The following ZC3H3 variants were observed in gnomAD, a reference collection of about 807,000 sequenced individuals.
ZC3H3 encodes zinc finger CCCH-type containing 3.
In ZC3H3, 36 loss-of-function variants were observed where a neutral mutation model predicts 77.3. That is an observed-to-expected ratio of 0.47 (90% confidence interval 0.36 to 0.61). The LOEUF (loss-of-function observed/expected upper bound fraction) is 0.61, where lower values mean the gene tolerates loss of function less well. Among genes scored for constraint, ZC3H3 ranks in the 20% least tolerant of loss-of-function variants. The pLI, the probability that ZC3H3 is intolerant of heterozygous loss-of-function variation, is 0.00. For missense variants in ZC3H3, 1,331 were observed against 1,312.2 expected (o/e 1.01, Z -0.22); for synonymous variants, 626 against 555.2 (o/e 1.13, Z -1.79).
chr8:143,498,168 C>T (rs1382583117), intron 4 of ZC3H3, among the ~76,000 whole-genome samples: 3 of 152,294 alleles, frequency 2.0e-5, no homozygotes, highest in East Asian at 3.9e-4. Context: ...CCTGGGGGAC[C>T]CTGGAAAGAA....
At position 143,462,395 on chromosome 8, in the gene ZC3H3, G is replaced by A. The variant is rs1820289260; in HGVS notation, c.2307+3322C>T. Among the ~76,000 whole-genome samples, 1 of 152,208 alleles carries A rather than the reference G, an allele frequency of 6.6e-6. No homozygotes were observed. The highest frequency in any genetic ancestry group is 2.4e-5 in the African/African-American group (1 of 41,464). The stretch of plus-strand genomic sequence containing the variant: ...GAGCACAAATCACAGGGCAAAGGAT[G>A]TCAGGACCTTGCCTCATAAAGGACG... On this transcript the variant is annotated intron_variant, in intron 9 of 11. Transcript: ENST00000262577. The surrounding 1 kb of genome is among the most constrained non-coding windows in gnomAD (Gnocchi z 4.7).
At chr8:143,452,212 A>C (rs1820005348) in intron 9 of ZC3H3, among the ~76,000 whole-genome samples, 1 of 152,224 alleles carries the variant, frequency 6.6e-6, no homozygotes, top group Admixed American at 6.5e-5. Flanking sequence ...CGGGGTGGTG[A>C]AAAGCCAGGA....
intron 9 of ZC3H3, among the ~76,000 whole-genome samples, chr8:143,444,673 A>G (rs916129730): frequency 3.9e-5 from 6 of 152,238 alleles, no homozygotes; most frequent in African/African-American, 1.4e-4. Context: ...CAGTTTTTTA[A>G]AAAGAAACAT....
chr8:143,437,893 G>C lies in ZC3H3; in HGVS notation c.*163C>G. On this transcript the variant is annotated 3_prime_UTR_variant, in exon 12 of 12. Coordinates refer to ENST00000262577, the MANE Select transcript of ZC3H3 (RefSeq NM_015117.3). Reference sequence around the variant, plus strand: ...GAAGACCAGGCCCTGCGCACACGCTGGTCATGGAAGGTTGAGGGCCAGGCA... The same window carrying C: ...GAAGACCAGGCCCTGCGCACACGCTCGTCATGGAAGGTTGAGGGCCAGGCA... The C allele has an allele frequency of 1.0e-6, 1 of 964,440 alleles. No homozygotes were observed. Among genetic ancestry groups the C allele is most frequent in the Non-Finnish European group, 1.6e-6 (1 of 632,420 alleles). The allele number at this position is 964,440 out of a possible 1,614,324, so 59.7% of individuals were successfully genotyped here.
intron 9 of ZC3H3, among the ~76,000 whole-genome samples, chr8:143,458,208 C>G (rs924071698): frequency 4.6e-5 from 7 of 152,216 alleles, no homozygotes; most frequent in Admixed American, 2.6e-4. Flanking sequence ...AACAATTATA[C>G]ACACATAAAA....
At chr8:143,517,061 C>T (rs963940263) in intron 3 of ZC3H3, among the ~76,000 whole-genome samples, 1 of 152,178 alleles carries the variant, frequency 6.6e-6, no homozygotes, top group Non-Finnish European at 1.5e-5. Flanking sequence ...AAGCCGCTGC[C>T]GCGGACTGTC....
chr8:143,473,046 C>T lies in ZC3H3; in HGVS notation c.1903+2352G>A, dbSNP rs1003434545. On this transcript the variant is annotated intron_variant, in intron 5 of 11. Coordinates refer to ENST00000262577, the MANE Select transcript of ZC3H3 (RefSeq NM_015117.3). ...AGCAGCCTCTGCTGCCTATCCTGGC[C>T]GCCTGGGGCTCTCGCGTACGTCAGG... 1.2e-4 allele frequency among the ~76,000 whole-genome samples: 19 copies of T among 152,206 alleles called. No homozygotes were observed. The East Asian group carries it at 1.5e-3, about 12-fold the overall frequency.
At chr8:143,528,369 G>A (rs1029302451) in intron 3 of ZC3H3, among the ~76,000 whole-genome samples, 5 of 152,218 alleles carry the variant, frequency 3.3e-5, no homozygotes, top group African/African-American at 1.2e-4. Flanking sequence ...GCCAGGCAGC[G>A]ACAGACACCC....
chr8:143,441,121 C>G lies in ZC3H3; in HGVS notation c.2308-1G>C. The G allele has an allele frequency of 7.0e-7, 1 of 1,425,664 alleles. No individual in the cohort carries two copies. The highest frequency in any genetic ancestry group is 9.1e-7 in the Non-Finnish European group (1 of 1,099,320). 88.3% of individuals were successfully genotyped at this position (1,425,664 alleles called of 1,614,324 possible). A position where few individuals can be genotyped will look rare whatever the true frequency, so the allele number is the denominator to read the frequency against. ...ACAGCAGCGTGTGTTTCTTCTTGCA[C>G]TGCAGAGAGAAGGGGTGCAGGTGGG... On this transcript the variant is annotated splice_acceptor_variant, in intron 9 of 11. Coordinates refer to ENST00000262577, the MANE Select transcript of ZC3H3 (RefSeq NM_015117.3). LOFTEE classifies it high-confidence loss of function.
Position 143,538,668 on chromosome 8 carries a change from G to A in ZC3H3, c.699C>T (p.Ser233=), listed in dbSNP as rs374800354. ...VIAVKASFPS[S]ALPPRTGVAL... ...CCACGCCAGTGCGTGGGGGCAGAGC[G>A]GAGGATGGGAAGCTCGCCTTGACGG... Residue 233 remains serine (S), a synonymous_variant, in exon 2 of 12, where the codon TCC becomes TCT. Coordinates refer to ENST00000262577, the MANE Select transcript of ZC3H3 (RefSeq NM_015117.3). 1.7e-5 allele frequency: 28 copies of A among 1,608,178 alleles called. No individual in the cohort carries two copies. The highest frequency in any genetic ancestry group is 5.3e-5 in the African/African-American group (4 of 74,956).
chr8:143,481,455 A>G (rs963243187), intron 4 of ZC3H3, among the ~76,000 whole-genome samples: 2 of 152,208 alleles, frequency 1.3e-5, no homozygotes, highest in African/African-American at 4.8e-5. Context: ...ACCTGGGAAC[A>G]GAGAGGTCGC....
At position 143,437,861 on chromosome 8, in the gene ZC3H3, G is replaced by C; in HGVS notation, c.*195C>G. On this transcript the variant is annotated 3_prime_UTR_variant, in exon 12 of 12. Transcript: ENST00000262577. ...TGGGGTGGGGACAGGGGCCTGGCTT[G>C]GGGGAGGAAGACCAGGCCCTGCGCA... The C allele has an allele frequency of 4.1e-6, 3 of 723,430 alleles. No individual in the cohort carries two copies. Among genetic ancestry groups the C allele is most frequent in the Non-Finnish European group, 6.8e-6 (3 of 439,554 alleles). The allele number at this position is 723,430 out of a possible 1,614,324, so 44.8% of individuals were successfully genotyped here.
At chr8:143,528,482 T>C (rs1822491681) in intron 3 of ZC3H3, among the ~76,000 whole-genome samples, 1 of 152,050 alleles carries the variant, frequency 6.6e-6, no homozygotes, top group Non-Finnish European at 1.5e-5. Flanking sequence ...ATCGCCAGGC[T>C]CAGAAAGGCC....
rs1479466399 is a variant in ZC3H3, at chr8:143,440,354, T to C, written c.2502A>G (p.Ser834=). The C allele has an allele frequency of 1.3e-6, 2 of 1,525,132 alleles. No homozygotes were observed. Among genetic ancestry groups the C allele is most frequent in the Non-Finnish European group, 1.8e-6 (2 of 1,134,704 alleles). 94.5% of individuals were successfully genotyped at this position (1,525,132 alleles called of 1,614,324 possible). The change falls in exon 11 of 12, where the codon TCA becomes TCG. Residue 834 remains serine, a synonymous_variant. Coordinates refer to ENST00000262577, the MANE Select transcript of ZC3H3 (RefSeq NM_015117.3). Reference sequence around the variant, plus strand: ...TCTGCCTGGTGGGGCGCTGGGATGCTGAAGGCTTCCTGCAGGGAAGGAAGG... The same window carrying C: ...TCTGCCTGGTGGGGCGCTGGGATGCCGAAGGCTTCCTGCAGGGAAGGAAGG... The part of the protein sequence containing the change: ...VSASHGPRKP[S]ASQRPTRQTP...
At chr8:143,445,603 G>A (rs1819847088) in intron 9 of ZC3H3, among the ~76,000 whole-genome samples, 1 of 151,788 alleles carries the variant, frequency 6.6e-6, no homozygotes, top group Non-Finnish European at 1.5e-5. Flanking sequence ...TGAGGCAGGA[G>A]GATTACGTGA....
intron 3 of ZC3H3, among the ~76,000 whole-genome samples, chr8:143,515,157 C>A (rs1347906674): frequency 6.6e-6 from 1 of 152,240 alleles, no homozygotes; most frequent in Non-Finnish European, 1.5e-5. Context: ...TCCCGCCTCG[C>A]TCCCCGATCC....
intron 9 of ZC3H3, among the ~76,000 whole-genome samples, chr8:143,451,306 A>G (rs1479948875): frequency 6.6e-6 from 1 of 152,190 alleles, no homozygotes; most frequent in African/African-American, 2.4e-5. Flanking sequence ...AGCAAAACCA[A>G]AAGCTGGTTG....
intron 3 of ZC3H3, among the ~76,000 whole-genome samples, chr8:143,519,646 C>T (rs76419451): frequency 9.9e-5 from 15 of 152,154 alleles, no homozygotes; most frequent in African/African-American, 3.6e-4. Flanking sequence ...GTGCTGTGTG[C>T]GTGCACATGC....
At chr8:143,520,441 C>T (rs996610067) in intron 3 of ZC3H3, among the ~76,000 whole-genome samples, 2 of 152,178 alleles carry the variant, frequency 1.3e-5, no homozygotes, top group Non-Finnish European at 2.9e-5. Flanking sequence ...CCACCCTGCG[C>T]CCCCACACAG....
Sources: gnomAD v4.1 joint callset for allele counts (sites outside exome capture counted in the v4.1 genomes callset) on GRCh38, gnomAD v4.1.1 for gene constraint, Gnocchi (gnomAD v3.1) non-coding constraint, MANE v1.5 for transcripts, NCBI Gene and HGNC (gene_info 2026-07-23, HGNC 2026-07-21) for gene names.